ITSN1: variants seen among roughly 807,000 people sequenced by gnomAD.
ITSN1 encodes intersectin-1.
In ITSN1, 58 loss-of-function variants were observed where a neutral mutation model predicts 239.8. The ratio of observed to expected loss-of-function variants is 0.24; its 90% CI spans 0.20 to 0.30. The LOEUF (loss-of-function observed/expected upper bound fraction) is 0.30, where lower values mean the gene tolerates loss of function less well. Ranked by LOEUF, ITSN1 falls within the 10% of genes least tolerant of loss-of-function variation. The probability of loss-of-function intolerance (pLI) is 1.00; values close to 1 mark genes in which losing one functional copy is unlikely to be tolerated. For synonymous variants in ITSN1, 780 were observed against 770.8 expected (o/e 1.01, Z -0.20); for missense variants, 1,558 against 2,103.3 (o/e 0.74, Z 5.07).
At chr21:33,671,045 C>A (rs532380245) in intron 1 of ITSN1, among the ~76,000 whole-genome samples, 1 of 152,090 alleles carries the variant, frequency 6.6e-6, no homozygotes. Context: ...TTTTAGGTTC[C>A]GATAATTATA....
chr21:33,770,316 G>A (rs1232949403), intron 11 of ITSN1, among the ~76,000 whole-genome samples: 1 of 152,126 alleles, frequency 6.6e-6, no homozygotes. Context: ...GCCTGCCTCG[G>A]CCTCCCAAAG....
chr21:33,703,081 G>GTC (rs879927607), intron 1 of ITSN1, among the ~76,000 whole-genome samples: 1 of 126,748 alleles, frequency 7.9e-6, no homozygotes, highest in African/African-American at 3.3e-5. Context: ...GCGAGACTCT[G>GTC]TCTGTGTGTG....
chr21:33,678,881 T>G (rs1296720692), intron 1 of ITSN1, among the ~76,000 whole-genome samples: 1 of 152,142 alleles, frequency 6.6e-6, no homozygotes, highest in South Asian at 2.1e-4. Context: ...GCCCAGCTAA[T>G]TTTTGTATTT....
rs2068692502 is a variant in ITSN1, at chr21:33,765,939, C to G, written c.853C>G (p.Leu285Val). ...AGAGGAATTTATCCTGGCAATGCACCTCATTGATGTAGCTATGTCTGGCCA... is the reference window on the plus strand; with the variant it reads ...AGAGGAATTTATCCTGGCAATGCACGTCATTGATGTAGCTATGTCTGGCCA... ...TAEEFILAMH[L>V]IDVAMSGQPL... Residue 285 changes from leucine to valine, a missense_variant, in exon 10 of 40, where the codon CTC becomes GTC. This residue lies in a region of ITSN1 where 982 missense variants were observed against 1,209.9 expected (regional missense o/e 0.81). Coordinates refer to ENST00000381318, the MANE Select transcript of ITSN1 (RefSeq NM_003024.3). 6.2e-7 allele frequency: 1 copy of G among 1,613,984 alleles called. No homozygotes were observed. Among genetic ancestry groups the G allele is most frequent in the African/African-American group, 1.3e-5 (1 of 75,044 alleles).
intron 10 of ITSN1, among the ~76,000 whole-genome samples, chr21:33,766,995 C>G (rs1222384254): frequency 7.0e-6 from 1 of 142,100 alleles, no homozygotes; most frequent in Non-Finnish European, 1.5e-5. Context: ...TGGTGAAACC[C>G]CGTCTCTACT....
At chr21:33,888,002 C>T (rs1986053813) in intron 39 of ITSN1, 150 bp from the exon 40 acceptor site, 16 of 692,558 alleles carry the variant, frequency 2.3e-5, no homozygotes, top group South Asian at 1.8e-4. Flanking sequence ...CGCTGGGGAG[C>T]GAGTTGGAAA....
Position 33,867,308 on chromosome 21 carries a change from A to G in ITSN1, c.4150A>G (p.Arg1384Gly). The G allele has an allele frequency of 6.2e-7, 1 of 1,601,110 alleles. No homozygotes were observed. Among genetic ancestry groups the G allele is most frequent in the Non-Finnish European group, 8.6e-7 (1 of 1,168,208 alleles). The change falls in exon 33 of 40, where the codon AGA (arginine) becomes GGA (glycine). Residue 1384 changes from arginine (R) to glycine (G), a missense_variant. Coordinates refer to ENST00000381318, the MANE Select transcript of ITSN1 (RefSeq NM_003024.3). The stretch of plus-strand genomic sequence containing the variant: ...ACTGAAGCCTATGCAACGGGTAACA[A>G]GATACCCACTGATCATTAAAAATGT... ...FILKPMQRVT[R>G]YPLIIKNILE... is the part of the protein sequence containing the mutation.
chr21:33,687,308 G>C (rs1210129227), intron 1 of ITSN1, among the ~76,000 whole-genome samples: 4 of 146,906 alleles, frequency 2.7e-5, no homozygotes, highest in Non-Finnish European at 4.5e-5. Flanking sequence ...TGTGGCACGA[G>C]AATTGCTTGA....
intron 8 of ITSN1, among the ~76,000 whole-genome samples, chr21:33,760,134 A>C (rs1421957512): frequency 6.6e-6 from 1 of 151,926 alleles, no homozygotes; most frequent in African/African-American, 2.4e-5. Flanking sequence ...AGAAAAGAAA[A>C]CAGTAGAATG....
At chr21:33,655,066 C>A (rs1030932306) in intron 1 of ITSN1, among the ~76,000 whole-genome samples, 2 of 148,024 alleles carry the variant, frequency 1.4e-5, no homozygotes, top group South Asian at 4.2e-4. Flanking sequence ...TTATTATTTT[C>A]TCCATATAAT....
At chr21:33,723,703 G>A (rs2065644643) in intron 4 of ITSN1, among the ~76,000 whole-genome samples, 1 of 152,174 alleles carries the variant, frequency 6.6e-6, no homozygotes, top group African/African-American at 2.4e-5. Flanking sequence ...TGGAGATACA[G>A]TTACCCTCTT....
Position 33,797,845 on chromosome 21 carries a change from C to T in ITSN1, c.2182+237C>T, listed in dbSNP as rs962088499. Among the ~76,000 whole-genome samples, 21 of 152,222 alleles carry T rather than the reference C, an allele frequency of 1.4e-4. No homozygotes were observed. The East Asian group carries it at 1.9e-3, about 14-fold the overall frequency. On this transcript the variant is annotated intron_variant, in intron 18 of 39. Coordinates refer to ENST00000381318, the MANE Select transcript of ITSN1 (RefSeq NM_003024.3). This position sits in a 1 kb window ranked among gnomAD's most constrained non-coding sequence, Gnocchi z 4.9. ...TACACTGGCATCCACGAGTCCTCTA[C>T]GGAGCTAACAAGTGGCGTGAAGTTC...
intron 19 of ITSN1, among the ~76,000 whole-genome samples, chr21:33,800,362 A>G (rs1209810018): frequency 6.6e-6 from 1 of 152,050 alleles, no homozygotes; most frequent in Non-Finnish European, 1.5e-5. Context: ...ACACATATAT[A>G]TACACACACA....
chr21:33,645,475 TA>T (rs200134592), intron 1 of ITSN1, among the ~76,000 whole-genome samples: 2,668 of 150,060 alleles, frequency 0.018, 47 homozygotes, highest in South Asian at 0.044. Flanking sequence ...ACCTGGTCTC[TA>T]AAAAAAAATT....
At chr21:33,781,969 T>G (rs777095077) in intron 15 of ITSN1, 25 bp from the exon 16 acceptor site, 21 of 1,569,060 alleles carry the variant, frequency 1.3e-5, no homozygotes, top group Non-Finnish European at 1.7e-5. Context: ...GTTTTTCTTA[T>G]CTTTGCGACG....
intron 16 of ITSN1, among the ~76,000 whole-genome samples, chr21:33,792,981 C>A (rs1427651816): frequency 6.6e-6 from 1 of 151,902 alleles, no homozygotes; most frequent in Non-Finnish European, 1.5e-5. Flanking sequence ...TCCTAAGTAC[C>A]TCCCCCCAGA....
At chr21:33,793,139 T>G (rs2071276443) in intron 16 of ITSN1, among the ~76,000 whole-genome samples, 1 of 152,172 alleles carries the variant, frequency 6.6e-6, no homozygotes, top group African/African-American at 2.4e-5. Flanking sequence ...ACCCTTAGGA[T>G]TTTTTTCCAA....
At chr21:33,680,660 A>G (rs1192331451) in intron 1 of ITSN1, among the ~76,000 whole-genome samples, 1 of 144,344 alleles carries the variant, frequency 6.9e-6, no homozygotes, top group Non-Finnish European at 1.5e-5. Flanking sequence ...TTTTTCTTTA[A>G]GGAAGGTTCC....
intron 10 of ITSN1, among the ~76,000 whole-genome samples, chr21:33,767,055 C>G (rs2068776161): frequency 6.6e-6 from 1 of 152,126 alleles, no homozygotes; most frequent in Non-Finnish European, 1.5e-5. Context: ...GTAATCCCAG[C>G]TACTCGGGAG....
Sources: gnomAD v4.1 joint callset for allele counts (sites outside exome capture counted in the v4.1 genomes callset) on GRCh38, gnomAD v4.1.1 for gene constraint, gnomAD v4.1.1 regional missense constraint, Gnocchi (gnomAD v3.1) non-coding constraint, MANE v1.5 for transcripts, NCBI Gene and HGNC (gene_info 2026-07-23, HGNC 2026-07-21) for gene names.